Variants in INPP4B observed in about 807,000 individuals in gnomAD.
INPP4B encodes the protein inositol polyphosphate 4-phosphatase type II.
A neutral mutation model predicts 122.5 loss-of-function variants in INPP4B; 55 were observed. The observed-to-expected ratio is 0.45, with a 90% CI of 0.36 to 0.56. The LOEUF (loss-of-function observed/expected upper bound fraction) is 0.56, where lower values mean the gene tolerates loss of function less well. Ranked by LOEUF, INPP4B falls within the 20% of genes least tolerant of loss-of-function variation. INPP4B has a pLI of 0.00. For missense variants in INPP4B, 1,000 were observed against 1,097.7 expected (o/e 0.91, Z 1.26); for synonymous variants, 403 against 388.7 (o/e 1.04, Z -0.43).
At chr4:142,611,556 A>C (rs1479073577) in intron 2 of INPP4B, among the ~76,000 whole-genome samples, 3 of 152,156 alleles carry the variant, frequency 2.0e-5, no homozygotes, top group Non-Finnish European at 2.9e-5. Flanking sequence ...TTTGTAAAAA[A>C]AAAAATTATT....
intron 3 of INPP4B, among the ~76,000 whole-genome samples, chr4:142,449,680 CAG>C: frequency 6.8e-6 from 1 of 148,132 alleles, no homozygotes; most frequent in Admixed American, 6.7e-5. Flanking sequence ...AGCCTGGTGA[CAG>C]AGCAAGACTC....
intron 2 of INPP4B, among the ~76,000 whole-genome samples, chr4:142,546,050 T>C (rs6837769): frequency 0.98 from 149,545 of 152,004 alleles, 73,611 homozygotes; most frequent in East Asian, 1. Context: ...AGCCTAGTAC[T>C]GATTAGTGAT....
intron 9 of INPP4B, among the ~76,000 whole-genome samples, chr4:142,282,584 A>G (rs1404430160): frequency 6.6e-6 from 1 of 152,112 alleles, no homozygotes; most frequent in Non-Finnish European, 1.5e-5. Flanking sequence ...TTGTTGGTAG[A>G]ACTTATTTTC....
At chr4:142,170,503 A>C (rs1173026025) in intron 16 of INPP4B, among the ~76,000 whole-genome samples, 2 of 151,722 alleles carry the variant, frequency 1.3e-5, no homozygotes, top group East Asian at 3.9e-4. Flanking sequence ...GGAGCCAAAA[A>C]CACAACGTGT....
intron 2 of INPP4B, among the ~76,000 whole-genome samples, chr4:142,485,864 G>A (rs1479985223): frequency 1.3e-5 from 2 of 152,042 alleles, no homozygotes; most frequent in African/African-American, 2.4e-5. Flanking sequence ...GGCTACGATT[G>A]GCCAGTCACC....
At chr4:142,836,158 T>A (rs1054067578) in intron 1 of INPP4B, among the ~76,000 whole-genome samples, 1 of 152,144 alleles carries the variant, frequency 6.6e-6, no homozygotes, top group Non-Finnish European at 1.5e-5. Flanking sequence ...TCAATTCCAT[T>A]TATTCACTCA....
At chr4:142,131,698 G>A (rs1801340585) in intron 18 of INPP4B, among the ~76,000 whole-genome samples, 2 of 152,230 alleles carry the variant, frequency 1.3e-5, no homozygotes, top group South Asian at 4.1e-4. Context: ...GCTCATGCCT[G>A]TAATCCCAGC....
chr4:142,561,769 T>C (rs1730528416), intron 2 of INPP4B, among the ~76,000 whole-genome samples: 1 of 152,226 alleles, frequency 6.6e-6, no homozygotes, highest in Non-Finnish European at 1.5e-5. Context: ...AGAAATAGAA[T>C]GTCTTTCTTG....
At chr4:142,814,569 A>G (rs961922175) in intron 1 of INPP4B, among the ~76,000 whole-genome samples, 1 of 152,144 alleles carries the variant, frequency 6.6e-6, no homozygotes, top group Admixed American at 6.6e-5. Flanking sequence ...TTGTATGAAG[A>G]GGGAAAGAGA....
At chr4:142,424,860 T>C (rs1807693824) in intron 5 of INPP4B, among the ~76,000 whole-genome samples, 1 of 152,032 alleles carries the variant, frequency 6.6e-6, no homozygotes, top group Non-Finnish European at 1.5e-5. Flanking sequence ...ACATTCTAGA[T>C]ATAATTGTGA....
At chr4:142,798,532 A>T (rs1347314079) in intron 1 of INPP4B, among the ~76,000 whole-genome samples, 2 of 151,914 alleles carry the variant, frequency 1.3e-5, no homozygotes, top group Non-Finnish European at 2.9e-5. Context: ...GAGAGGTGCT[A>T]ATACCCCCCA....
At chr4:142,058,414 G>A (rs932916181) in intron 25 of INPP4B, among the ~76,000 whole-genome samples, 3 of 152,068 alleles carry the variant, frequency 2.0e-5, no homozygotes, top group Non-Finnish European at 4.4e-5. Flanking sequence ...CAATATTACT[G>A]TGCCATTATT....
intron 5 of INPP4B, among the ~76,000 whole-genome samples, chr4:142,419,124 G>T (rs995604459): frequency 6.6e-6 from 1 of 152,106 alleles, no homozygotes; most frequent in Non-Finnish European, 1.5e-5. Flanking sequence ...TATGGAGATA[G>T]ATACCATGGG....
At chr4:142,499,827 A>G (rs1219136260) in intron 2 of INPP4B, among the ~76,000 whole-genome samples, 1 of 152,140 alleles carries the variant, frequency 6.6e-6, no homozygotes, top group Admixed American at 6.6e-5. Flanking sequence ...AAAACCTCTT[A>G]CATCTACAAA....
intron 2 of INPP4B, among the ~76,000 whole-genome samples, chr4:142,669,065 TAAATAA>T (rs776928955): frequency 3.4e-4 from 51 of 151,192 alleles, no homozygotes; most frequent in Admixed American, 7.9e-4. Flanking sequence ...CAAAAGAAAA[TAAATAA>T]AAATAAAAAT....
intron 2 of INPP4B, among the ~76,000 whole-genome samples, chr4:142,498,359 A>G (rs1306829026): frequency 1.3e-5 from 2 of 152,060 alleles, no homozygotes; most frequent in Non-Finnish European, 2.9e-5. Flanking sequence ...GGTAAAAGTC[A>G]TTTACCACAA....
chr4:142,028,947 AAC>A, intron 25 of INPP4B, 33 bp from the exon 26 acceptor site: 1 of 1,594,722 alleles, frequency 6.3e-7, no homozygotes, highest in Non-Finnish European at 8.5e-7. Flanking sequence ...AACTTCATGA[AAC>A]ACAGAATAAA....
intron 9 of INPP4B, among the ~76,000 whole-genome samples, chr4:142,288,181 C>G (rs1432345566): frequency 6.6e-6 from 1 of 152,198 alleles, no homozygotes; most frequent in Non-Finnish European, 1.5e-5. Flanking sequence ...AACCTCAAAC[C>G]TTACAAATTG....
At position 142,492,302 on chromosome 4, in the gene INPP4B, G is replaced by A. The variant is rs549220092; in HGVS notation, c.-190-29576C>T. On this transcript the variant is annotated intron_variant, in intron 2 of 25. Coordinates refer to ENST00000262992, the MANE Select transcript of INPP4B (RefSeq NM_001101669.3). ...TGTGAGATTGGTACCACAGAGAGAG[G>A]GGCACTGCTCTAAAGACACCCAAAA... Among the ~76,000 whole-genome samples, 37 of 152,058 alleles carry A rather than the reference G, an allele frequency of 2.4e-4. No homozygotes were observed. In the South Asian group the frequency reaches 7.7e-3, roughly 32 times the overall value.
Sources: allele counts gnomAD v4.1 joint callset (sites outside exome capture counted in the v4.1 genomes callset), GRCh38; gene constraint gnomAD v4.1.1; transcripts MANE v1.5; gene names NCBI Gene and HGNC (gene_info 2026-07-23, HGNC 2026-07-21).